COA4: variants seen among roughly 807,000 people sequenced by gnomAD.
COA4 encodes cytochrome c oxidase assembly factor 4 homolog, also known as cytochrome c oxidase assembly factor 4 homolog, mitochondrial.
Under a neutral mutation model 7.3 loss-of-function variants are expected in COA4, and 8 were observed. The observed-to-expected ratio is 1.10, with a 90% CI of 0.64 to 1.98. The LOEUF is 1.98. Among genes scored for constraint, COA4 ranks in the 30% most tolerant of loss-of-function variants. The probability of loss-of-function intolerance (pLI) is 0.00; values close to 1 mark genes in which losing one functional copy is unlikely to be tolerated. For missense variants in COA4, 96 were observed against 111.2 expected, an observed-to-expected ratio of 0.86 and a Z score of 0.62; for synonymous variants, 42 against 44.3, an observed-to-expected ratio of 0.95 and a Z score of 0.21.
chr11:73,873,070 C>T lies in COA4; in HGVS notation c.*45G>A. 6.5e-7 allele frequency: 1 copy of T among 1,545,164 alleles called. No individual in the cohort carries two copies. Among genetic ancestry groups the T allele is most frequent in the African/African-American group, 1.4e-5 (1 of 72,986 alleles). On this transcript the variant is annotated 3_prime_UTR_variant, in exon 2 of 2. Transcript: ENST00000355693. ...TCTTCCTCTATAATCTTGCTGGGTGCTGGTCTTGGCAGGGCCATCTACTGG... is the reference window on the plus strand; with the variant it reads ...TCTTCCTCTATAATCTTGCTGGGTGTTGGTCTTGGCAGGGCCATCTACTGG...
chr11:73,875,229 A>C (rs1265064856), intron 1 of COA4, among the ~76,000 whole-genome samples: 1 of 152,216 alleles, frequency 6.6e-6, no homozygotes, highest in Non-Finnish European at 1.5e-5. Flanking sequence ...AAGGAACTTA[A>C]GGTTTGAAGA....
At chr11:73,874,528 G>A (rs1382085138) in intron 1 of COA4, 1 of 152,240 alleles carries the variant, frequency 6.6e-6, no homozygotes, top group Non-Finnish European at 1.5e-5. Flanking sequence ...GTACTCAAGA[G>A]GCTGAAGAGG....
In COA4 at chr11:73,873,129, C is replaced by A. The variant is rs150976532; in HGVS notation, c.250G>T (p.Gly84Cys). 8.7e-6 allele frequency: 14 copies of A among 1,605,388 alleles called. No individual in the cohort carries two copies. The African/African-American group carries it at 1.9e-4, about 21-fold the overall frequency. ...GGTTTGGGGTCTCAGTGGTGGGCAC[C>A]GGCTTGTTCTTGCCTCCTCTGCAGC... Reference protein sequence around the residue: ...EELQRRQEQAGAHH With the variant: ...EELQRRQEQACAHH Residue 84 changes from glycine to cysteine, a missense_variant, in exon 2 of 2, where the codon GGT (glycine) becomes TGT (cysteine). Gly to Cys is a radical substitution (Grantham distance 159). Transcript: ENST00000355693.
intron 1 of COA4, among the ~76,000 whole-genome samples, chr11:73,875,175 C>G (rs1018086894): frequency 6.6e-6 from 1 of 152,330 alleles, no homozygotes; most frequent in South Asian, 2.1e-4. Flanking sequence ...CCCAAACTGT[C>G]TTGCCCGTCT....
chr11:73,875,905 T>G (rs1428451556), intron 1 of COA4: 3 of 152,236 alleles, frequency 2.0e-5, no homozygotes, highest in African/African-American at 7.2e-5. Flanking sequence ...TGAAACAGAC[T>G]TGGACCTAGC....
chr11:73,874,844 G>A lies in COA4; in HGVS notation c.-16-1450C>T, dbSNP rs536298140. On this transcript the variant is annotated intron_variant, in intron 1 of 1. Coordinates refer to ENST00000355693, the MANE Select transcript of COA4 (RefSeq NM_016565.3). ...CTACTAAAAATACAAAAATTAGGCG[G>A]GCGTGATGGCAGGCACCTGTAATCC... 2.6e-5 allele frequency among the ~76,000 whole-genome samples: 4 copies of A among 152,136 alleles called. No homozygotes were observed. The South Asian group carries it at 8.3e-4, about 32-fold the overall frequency.
chr11:73,873,636 C>A, intron 1 of COA4: 1 of 544,826 alleles, frequency 1.8e-6, no homozygotes, highest in Non-Finnish European at 3.2e-6. Flanking sequence ...TCAGTCCCTC[C>A]CTGGCCAGAG....
chr11:73,875,045 T>G (rs891133457), intron 1 of COA4, among the ~76,000 whole-genome samples: 2 of 151,950 alleles, frequency 1.3e-5, no homozygotes, highest in Non-Finnish European at 2.9e-5. Context: ...TTTTGACACA[T>G]GGGAAGGATG....
chr11:73,875,441 A>G (rs1565119309), intron 1 of COA4, among the ~76,000 whole-genome samples: 1 of 152,210 alleles, frequency 6.6e-6, no homozygotes, highest in Non-Finnish European at 1.5e-5. Flanking sequence ...AACCTAGACA[A>G]GGAAACAGGG....
rs968743805 is a variant in COA4, at chr11:73,876,764, G to A, written c.-24C>T. The stretch of plus-strand genomic sequence containing the variant: ...GCGGTACGCGATGCTCACCGAACAG[G>A]TGGGAGAAGAGGGCCCGAACGCACG... On this transcript the variant is annotated 5_prime_UTR_variant, in exon 1 of 2. Transcript: ENST00000355693. 5.4e-5 allele frequency: 20 copies of A among 367,106 alleles called. No individual in the cohort carries two copies. The highest frequency in any genetic ancestry group is 3.8e-4 in the African/African-American group (18 of 47,740). 22.7% of individuals were successfully genotyped at this position (367,106 alleles called of 1,614,324 possible).
At chr11:73,874,575 T>C (rs1445468862) in intron 1 of COA4, 1 of 152,232 alleles carries the variant, frequency 6.6e-6, no homozygotes, top group East Asian at 1.9e-4. Context: ...AAGGCTGCAG[T>C]GAGCTATGAT....
chr11:73,875,567 C>T (rs1280753750), intron 1 of COA4, among the ~76,000 whole-genome samples: 4 of 151,720 alleles, frequency 2.6e-5, no homozygotes, highest in Non-Finnish European at 5.9e-5. Flanking sequence ...GATTTCCAAG[C>T]TGAAACTTGA....
At chr11:73,876,711 G>C (rs890126643) in intron 1 of COA4, 46 bp downstream of exon 1, 1 of 275,074 alleles carries the variant, frequency 3.6e-6, no homozygotes, top group Admixed American at 5.3e-5. Context: ...TCGCAGCCCC[G>C]TTGTGCCCGC....
rs377131884 is a variant in COA4, at chr11:73,874,415, T to G, written c.-16-1021A>C. Reference sequence around the variant, plus strand: ...GAGAGCCGAGATCACACCATTGCACTCCAGCCTGGGCAATAAGAGCAAAAC... The same window carrying G: ...GAGAGCCGAGATCACACCATTGCACGCCAGCCTGGGCAATAAGAGCAAAAC... On this transcript the variant is annotated intron_variant, in intron 1 of 1. Coordinates refer to ENST00000355693, the MANE Select transcript of COA4 (RefSeq NM_016565.3). 5.3e-4 allele frequency: 81 copies of G among 151,530 alleles called. 1 individual carries two copies. Among genetic ancestry groups the G allele is most frequent in the African/African-American group, 1.9e-3 (80 of 41,216 alleles). The allele number at this position is 151,530 out of a possible 1,614,324, so 9.4% of individuals were successfully genotyped here.
chr11:73,875,314 T>C (rs1192844576), intron 1 of COA4, among the ~76,000 whole-genome samples: 6 of 152,234 alleles, frequency 3.9e-5, no homozygotes. Context: ...TTGCCTTAAC[T>C]GTGTCTCTCA....
Position 73,873,070 on chromosome 11 carries a change from C to CTGG in COA4, c.*42_*44dup. The CTGG allele has an allele frequency of 6.5e-7, 1 of 1,545,166 alleles. No individual in the cohort carries two copies. Among genetic ancestry groups the CTGG allele is most frequent in the Non-Finnish European group, 8.7e-7 (1 of 1,144,480 alleles). On this transcript the variant is annotated 3_prime_UTR_variant, in exon 2 of 2. Coordinates refer to ENST00000355693, the MANE Select transcript of COA4 (RefSeq NM_016565.3). The stretch of plus-strand genomic sequence containing the variant: ...TCTTCCTCTATAATCTTGCTGGGTG[C>CTGG]TGGTCTTGGCAGGGCCATCTACTGG...
chr11:73,875,336 A>G (rs1388117647), intron 1 of COA4, among the ~76,000 whole-genome samples: 1 of 152,182 alleles, frequency 6.6e-6, no homozygotes, highest in African/African-American at 2.4e-5. Context: ...TCACTCAACA[A>G]ATGATTAAGT....
rs1157171258 is a variant in COA4 at position 73,873,305 on chromosome 11, A to C, written c.74T>G (p.Leu25Arg). The change falls in exon 2 of 2, where the codon CTG becomes CGG. Residue 25 changes from leucine (L) to arginine (R), a missense_variant. By Grantham distance (102) the Leu-to-Arg change is moderately radical. Coordinates refer to ENST00000355693, the MANE Select transcript of COA4 (RefSeq NM_016565.3). The part of the protein sequence containing the change: ...VKKDDEEEDP[L>R]DQLISRSGCA... ...GCCAGAGCGGGAGATCAGCTGGTCCAGCGGGTCCTCCTCCTCATCGTCTTT... is the reference window on the plus strand; with the variant it reads ...GCCAGAGCGGGAGATCAGCTGGTCCCGCGGGTCCTCCTCCTCATCGTCTTT... The C allele has an allele frequency of 1.2e-6, 2 of 1,614,252 alleles. No individual in the cohort carries two copies. The highest frequency in any genetic ancestry group is 3.3e-5 in the Admixed American group (2 of 60,028).
In COA4 at chr11:73,873,384, G is replaced by A; in HGVS notation, c.-6C>T. The A allele has an allele frequency of 6.2e-7, 1 of 1,613,942 alleles. No homozygotes were observed. ...TGAGGGACTGAGGTTGACATCCTGG[G>A]GATGGGGAGTCTATAGAACATTAAC... is the stretch of plus-strand genomic sequence containing the variant. On this transcript the variant is annotated 5_prime_UTR_variant, in exon 2 of 2. Coordinates refer to ENST00000355693, the MANE Select transcript of COA4 (RefSeq NM_016565.3).
Sources: gnomAD v4.1 joint callset for allele counts (sites outside exome capture counted in the v4.1 genomes callset) on GRCh38, gnomAD v4.1.1 for gene constraint, MANE v1.5 for transcripts, NCBI Gene and HGNC (gene_info 2026-07-23, HGNC 2026-07-21) for gene names.